Variants in TCF20 observed in about 807,000 individuals in gnomAD.
TCF20 encodes SPRE-binding protein.
A neutral mutation model predicts 148.6 loss-of-function variants in TCF20; 3 were observed. The ratio of observed to expected loss-of-function variants is 0.02; its 90% confidence interval spans 0.01 to 0.05. TCF20 has a LOEUF of 0.05. Among genes scored for constraint, TCF20 ranks in the 10% least tolerant of loss-of-function variants. The probability of loss-of-function intolerance (pLI) is 1.00; values close to 1 mark genes in which losing one functional copy is unlikely to be tolerated. For synonymous variants in TCF20, 1,049 were observed against 909.5 expected, an observed-to-expected ratio of 1.15 and a Z score of -2.76; for missense variants, 2,350 against 2,429.3, an observed-to-expected ratio of 0.97 and a Z score of 0.69.
At chr22:42,254,129 TGA>T (rs1480431349) in intron 1 of TCF20, among the ~76,000 whole-genome samples, 1 of 151,848 alleles carries the variant, frequency 6.6e-6, no homozygotes, top group Non-Finnish European at 1.5e-5. Flanking sequence ...CATATTCCTT[TGA>T]GAGCTGGCAG....
chr22:42,314,706 C>G (rs1284165740), intron 1 of TCF20, among the ~76,000 whole-genome samples: 1 of 152,234 alleles, frequency 6.6e-6, no homozygotes, highest in Non-Finnish European at 1.5e-5. Flanking sequence ...CCAGTGCTGA[C>G]TGGCACAGTG....
chr22:42,240,730 C>G (rs553406716), intron 1 of TCF20, among the ~76,000 whole-genome samples: 12 of 152,124 alleles, frequency 7.9e-5, no homozygotes, highest in Admixed American at 7.2e-4. Context: ...CTCACCCCAG[C>G]GAACCTGTGA....
At chr22:42,198,469 G>A (rs539169097) in intron 2 of TCF20, among the ~76,000 whole-genome samples, 4 of 152,122 alleles carry the variant, frequency 2.6e-5, no homozygotes, top group African/African-American at 7.2e-5. Context: ...TGCCCAAGTC[G>A]CTTATATAAA....
intron 1 of TCF20, among the ~76,000 whole-genome samples, chr22:42,261,389 T>C (rs73887980): frequency 3.7e-3 from 562 of 152,334 alleles, no homozygotes; most frequent in African/African-American, 0.013. Flanking sequence ...GTTCAACTTT[T>C]TGAGAAACTG....
chr22:42,247,871 T>C (rs12159207), intron 1 of TCF20, among the ~76,000 whole-genome samples: 64 of 152,282 alleles, frequency 4.2e-4, no homozygotes, highest in African/African-American at 1.5e-3. Context: ...ACACCTCTCT[T>C]CAATTTCCTC....
Position 42,214,821 on chromosome 22 carries a change from G to A in TCF20, c.485C>T (p.Pro162Leu). 6.2e-7 allele frequency: 1 copy of A among 1,614,082 alleles called. No individual in the cohort carries two copies. The highest frequency in any genetic ancestry group is 8.5e-7 in the Non-Finnish European group (1 of 1,180,014). Residue 162 changes from proline (P) to leucine (L), a missense_variant, in exon 2 of 6, where the codon CCA (proline) becomes CTA (leucine). Transcript: ENST00000677622. ...YQQDYTGPFS[P>L]GSAQYQQQAS... ...CTGCTGTTGGTACTGAGCACTCCCT[G>A]GAGAGAAAGGCCCAGTGTAATCCTG...
intron 1 of TCF20, among the ~76,000 whole-genome samples, chr22:42,325,940 A>AAG (rs1927867945): frequency 6.6e-6 from 1 of 152,100 alleles, no homozygotes. Flanking sequence ...TCAGGTGAGT[A>AAG]AGACATGGTT....
intron 1 of TCF20, among the ~76,000 whole-genome samples, chr22:42,334,140 C>T (rs1307603953): frequency 6.6e-6 from 1 of 152,224 alleles, no homozygotes; most frequent in Non-Finnish European, 1.5e-5. Context: ...TCTCACCCTC[C>T]TCCCTGGGAC....
At chr22:42,162,029 G>A (rs1434009136) in intron 5 of TCF20, among the ~76,000 whole-genome samples, 2 of 124,358 alleles carry the variant, frequency 1.6e-5, no homozygotes, top group African/African-American at 3.2e-5. Flanking sequence ...TGCCCAGACT[G>A]GAGTGTAGTG....
chr22:42,268,073 G>C (rs1272256826), intron 1 of TCF20, among the ~76,000 whole-genome samples: 3 of 152,088 alleles, frequency 2.0e-5, no homozygotes, highest in Non-Finnish European at 4.4e-5. Context: ...CTGAAACTGG[G>C]AGGTAGAGGC....
chr22:42,336,587 C>T (rs1928071755), intron 1 of TCF20, among the ~76,000 whole-genome samples: 2 of 152,126 alleles, frequency 1.3e-5, no homozygotes, highest in South Asian at 4.1e-4. Context: ...AAAGGGTGCC[C>T]GCCACCTTTA....
chr22:42,211,777 A>G lies in TCF20; in HGVS notation c.3529T>C (p.Leu1177=). The G allele has an allele frequency of 6.2e-7, 1 of 1,614,180 alleles. No homozygotes were observed. The highest frequency in any genetic ancestry group is 8.5e-7 in the Non-Finnish European group (1 of 1,180,024). ...SDGLPNKGME[L]KHGSQKLQES... Reference sequence around the variant, plus strand: ...TGTAACTTCTGGGAGCCATGCTTTAATTCCATGCCCTTGTTAGGCAGACCA... The same window carrying G: ...TGTAACTTCTGGGAGCCATGCTTTAGTTCCATGCCCTTGTTAGGCAGACCA... The change falls in exon 2 of 6, where the codon TTA becomes CTA. Residue 1177 remains leucine (L), a synonymous_variant. Transcript: ENST00000677622.
chr22:42,241,147 C>T (rs1281052643), intron 1 of TCF20, among the ~76,000 whole-genome samples: 1 of 152,212 alleles, frequency 6.6e-6, no homozygotes, highest in African/African-American at 2.4e-5. Flanking sequence ...CCTTAGCCAG[C>T]GCGCCTGGGC....
chr22:42,173,136 AAAC>A (rs1936229698), intron 3 of TCF20, among the ~76,000 whole-genome samples: 1 of 152,056 alleles, frequency 6.6e-6, no homozygotes, highest in South Asian at 2.1e-4. Context: ...GAAAAAAAAA[AAAC>A]CCTCCACACA....
In TCF20 at chr22:42,215,081, G is replaced by A. The variant is rs749632874; in HGVS notation, c.225C>T (p.Gly75=). ...AAAAMASETS[G]HQGYQGFRKE... is the part of the protein sequence containing the mutation. ...TCCTGAAACCCTGGTAACCTTGATG[G>A]CCAGAGGTCTCGCTAGCCATCGCTG... The change falls in exon 2 of 6, where the codon GGC becomes GGT. Residue 75 remains glycine (G), a synonymous_variant. Transcript: ENST00000677622. 1.2e-6 allele frequency: 2 copies of A among 1,614,134 alleles called. No homozygotes were observed. The highest frequency in any genetic ancestry group is 2.2e-5 in the East Asian group (1 of 44,886).
At chr22:42,304,822 G>T (rs1057021867) in intron 1 of TCF20, among the ~76,000 whole-genome samples, 9 of 152,116 alleles carry the variant, frequency 5.9e-5, no homozygotes, top group African/African-American at 2.2e-4. Context: ...GGGCGCTCTT[G>T]GTGGGATGTG....
At chr22:42,341,224 G>C (rs992242932) in intron 1 of TCF20, among the ~76,000 whole-genome samples, 1 of 152,160 alleles carries the variant, frequency 6.6e-6, no homozygotes, top group African/African-American at 2.4e-5. Context: ...CCAGCTCAGG[G>C]CAGACGCCGT....
chr22:42,168,881 G>C, intron 4 of TCF20, 145 bp from the exon 5 acceptor site: 7 of 1,166,368 alleles, frequency 6.0e-6, no homozygotes, highest in Non-Finnish European at 8.0e-6. Flanking sequence ...GAGACATTCA[G>C]ACAGGGTTTT....
intron 3 of TCF20, among the ~76,000 whole-genome samples, chr22:42,172,130 GGCCTCCCAT>G (rs1360058763): frequency 1.1e-3 from 160 of 152,338 alleles, no homozygotes; most frequent in African/African-American, 3.5e-3. Flanking sequence ...TCTCTGACAA[GGCCTCCCAT>G]GCAGGAACAC....
Sources: allele counts gnomAD v4.1 joint callset (sites outside exome capture counted in the v4.1 genomes callset), GRCh38; gene constraint gnomAD v4.1.1; transcripts MANE v1.5; gene names NCBI Gene and HGNC (gene_info 2026-07-23, HGNC 2026-07-21).